NDE1: variants seen among roughly 807,000 people sequenced by gnomAD.
The protein encoded by NDE1 is nudE neurodevelopment protein 1, also known as nuclear distribution protein nudE homolog 1.
In NDE1, 28 loss-of-function variants were observed where a neutral mutation model predicts 43.4. The observed-to-expected ratio is 0.65, with a 90% CI of 0.48 to 0.89. NDE1 has a LOEUF of 0.89. Ranked by LOEUF, NDE1 falls within the 40% of genes least tolerant of loss-of-function variation. The pLI, the probability that NDE1 is intolerant of heterozygous loss-of-function variation, is 0.00. For missense variants in NDE1, 441 were observed against 434.1 expected, an observed-to-expected ratio of 1.02 and a Z score of -0.14; for synonymous variants, 184 against 172.0, an observed-to-expected ratio of 1.07 and a Z score of -0.55.
At chr16:15,686,311 A>G in intron 4 of NDE1, 2 of 919,594 alleles carry the variant, frequency 2.2e-6, no homozygotes, top group Non-Finnish European at 2.6e-6. Context: ...TACTATTACT[A>G]TCCTTGTTTT....
intron 8 of NDE1, chr16:15,721,289 CA>C: frequency 4.3e-6 from 5 of 1,156,070 alleles, no homozygotes; most frequent in Non-Finnish European, 6.3e-6. Context: ...TGCACCAGTC[CA>C]AAAACCTCCT....
intron 8 of NDE1, chr16:15,703,816 T>TA: frequency 1.1e-6 from 1 of 876,270 alleles, no homozygotes; most frequent in Non-Finnish European, 1.8e-6. Context: ...GGTGGTGGTT[T>TA]TTATATTCCT....
Position 15,664,803 on chromosome 16 carries a change from A to C in NDE1, c.25A>C (p.Ser9Arg). Reference sequence around the variant, plus strand: ...AATGGAGGACTCCGGAAAGACTTTCAGCTCCGAGGAGGAAGAAGCTAACTA... The same window carrying C: ...AATGGAGGACTCCGGAAAGACTTTCCGCTCCGAGGAGGAAGAAGCTAACTA... MEDSGKTFSSEEEEANYWK... is the reference protein window; with the variant it reads MEDSGKTFRSEEEEANYWK... The change falls in exon 2 of 9, where the codon AGC becomes CGC. Residue 9 changes from serine to arginine, a missense_variant. Ser to Arg is a moderately radical substitution (Grantham distance 110, BLOSUM62 -1). Transcript: ENST00000396354. The C allele has an allele frequency of 6.2e-7, 1 of 1,613,566 alleles. No homozygotes were observed. Among genetic ancestry groups the C allele is most frequent in the Non-Finnish European group, 8.5e-7 (1 of 1,179,664 alleles).
At chr16:15,719,474 T>C in intron 8 of NDE1, 3 of 1,557,484 alleles carry the variant, frequency 1.9e-6, no homozygotes, top group African/African-American at 1.4e-5. Context: ...TCTAGACAGG[T>C]GGACCCCAGA....
In NDE1 at chr16:15,718,464, G is replaced by A. The variant is rs772995835; in HGVS notation, c.948-5727G>A. The A allele has an allele frequency of 2.6e-6, 4 of 1,542,364 alleles. No homozygotes were observed. The South Asian group carries it at 4.7e-5, about 18-fold the overall frequency. The stretch of plus-strand genomic sequence containing the variant: ...CTGGGGGAAGGGCGGCCATGGTGGG[G>A]GCCTCTACCCTCCCCCGCCTTAAAA... On this transcript the variant is annotated intron_variant, in intron 8 of 8. Transcript: ENST00000396354.
chr16:15,678,544 T>C (rs997254146), intron 4 of NDE1, among the ~76,000 whole-genome samples: 54 of 152,158 alleles, frequency 3.5e-4, no homozygotes, highest in Non-Finnish European at 6.2e-4. Context: ...TTTGTATCTT[T>C]AGTAGGGATG....
intron 4 of NDE1, among the ~76,000 whole-genome samples, chr16:15,680,144 C>T (rs1384220207): frequency 6.6e-6 from 1 of 152,160 alleles, no homozygotes; most frequent in Non-Finnish European, 1.5e-5. Flanking sequence ...CTTGGCTGAG[C>T]TTACAGCCCA....
intron 8 of NDE1, chr16:15,715,390 C>A (rs1268950950): frequency 1.7e-5 from 15 of 870,404 alleles, no homozygotes; most frequent in Non-Finnish European, 2.9e-5. Context: ...GGACTCCTCT[C>A]AAGAATCAGT....
intron 1 of NDE1, among the ~76,000 whole-genome samples, chr16:15,654,822 G>A (rs1892407614): frequency 1.3e-5 from 2 of 149,456 alleles, no homozygotes; most frequent in African/African-American, 5.0e-5. Flanking sequence ...TGGTTGTCCT[G>A]TTTAGCCATC....
chr16:15,661,752 G>A (rs1013586438), intron 1 of NDE1, among the ~76,000 whole-genome samples: 2 of 151,940 alleles, frequency 1.3e-5, no homozygotes, highest in African/African-American at 4.8e-5. Context: ...CCACCTTCTG[G>A]AAGTCTTTAT....
In NDE1 at chr16:15,687,414, G is replaced by T. The variant is rs1162514583; in HGVS notation, c.426G>T (p.Leu142Phe). ...IMSLEDFEQR[L>F]NQAIERNAFL... ...CTCTCGAAGACTTTGAGCAGCGCTT[G>T]AATCAGGCCATCGAAAGAAATGCCT... The change falls in exon 5 of 9, where the codon TTG becomes TTT. Residue 142 changes from leucine to phenylalanine, a missense_variant. Physicochemically the swap from Leu to Phe is conservative, Grantham distance 22. Coordinates refer to ENST00000396354, the MANE Select transcript of NDE1 (RefSeq NM_017668.3). 9 of 1,614,206 alleles carry T rather than the reference G, an allele frequency of 5.6e-6. No individual in the cohort carries two copies. The highest frequency in any genetic ancestry group is 7.6e-6 in the Non-Finnish European group (9 of 1,180,046).
intron 4 of NDE1, among the ~76,000 whole-genome samples, chr16:15,685,253 G>T (rs1330779374): frequency 6.6e-6 from 1 of 152,016 alleles, no homozygotes; most frequent in Admixed American, 6.6e-5. Flanking sequence ...GTAGTAGTGT[G>T]TTTTTTGTTT....
Position 15,724,362 on chromosome 16 carries a change from T to C in NDE1, c.*111T>C. 6.2e-7 allele frequency: 1 copy of C among 1,614,138 alleles called. No individual in the cohort carries two copies. The highest frequency in any genetic ancestry group is 8.5e-7 in the Non-Finnish European group (1 of 1,180,020). On this transcript the variant is annotated 3_prime_UTR_variant, in exon 9 of 9. Transcript: ENST00000396354. ...ACCTCTTCTTCCCCTCTTCCAGAGC[T>C]TCCACGGTGCTGGCAAAGTCCTGCA...
chr16:15,701,584 A>G (rs943160699), intron 8 of NDE1: 5 of 152,202 alleles, frequency 3.3e-5, no homozygotes, highest in African/African-American at 1.2e-4. Context: ...TTCCTTGTCA[A>G]AGACGTGAAC....
At chr16:15,670,657 CAAAAAAAA>C (rs10717229) in intron 3 of NDE1, among the ~76,000 whole-genome samples, 2 of 128,754 alleles carry the variant, frequency 1.6e-5, no homozygotes, top group Non-Finnish European at 3.3e-5. Context: ...AACTCTGTCT[CAAAAAAAA>C]AAAAAAAGAA....
intron 8 of NDE1, among the ~76,000 whole-genome samples, chr16:15,702,464 C>T (rs887359744): frequency 2.6e-5 from 4 of 152,034 alleles, no homozygotes; most frequent in Non-Finnish European, 5.9e-5. Context: ...GATCATAGCT[C>T]ACTGCAGCCT....
chr16:15,643,465 C>G (rs1260188699), exon 1 of NDE1: 1 of 415,616 alleles, frequency 2.4e-6, no homozygotes, highest in Non-Finnish European at 4.8e-6. Context: ...GACGTGGACC[C>G]GAGGAAAAAA....
At chr16:15,712,219 T>C (rs1189073656) in intron 8 of NDE1, among the ~76,000 whole-genome samples, 3 of 152,136 alleles carry the variant, frequency 2.0e-5, no homozygotes, top group African/African-American at 7.2e-5. Flanking sequence ...TAGACATCCA[T>C]GTGGGAACGG....
chr16:15,699,263 C>CT (rs35193827), intron 8 of NDE1, among the ~76,000 whole-genome samples: 2,045 of 138,904 alleles, frequency 0.015, 33 homozygotes, highest in African/African-American at 0.035. Flanking sequence ...CATGCCTGGC[C>CT]TTTTTTTTTT....
Sources: allele counts gnomAD v4.1 joint callset (sites outside exome capture counted in the v4.1 genomes callset), GRCh38; gene constraint gnomAD v4.1.1; transcripts MANE v1.5; gene names NCBI Gene and HGNC (gene_info 2026-07-23, HGNC 2026-07-21).